The following TMEM209 variants were observed in gnomAD, a reference collection of about 807,000 sequenced individuals.
The protein encoded by TMEM209 is testicular tissue protein Li 202.
A neutral mutation model predicts 76.2 loss-of-function variants in TMEM209; 65 were observed. That is an observed-to-expected ratio of 0.85 (90% CI 0.70 to 1.05). The LOEUF (loss-of-function observed/expected upper bound fraction) is 1.05, where lower values mean the gene tolerates loss of function less well. Ranked by LOEUF, TMEM209 falls within the 50% of genes least tolerant of loss-of-function variation. The probability of loss-of-function intolerance (pLI) is 0.00; values close to 1 mark genes in which losing one functional copy is unlikely to be tolerated. For synonymous variants in TMEM209, 239 were observed against 237.6 expected (o/e 1.01, Z -0.06); for missense variants, 623 against 685.5 (o/e 0.91, Z 1.02).
chr7:130,177,117 C>A (rs1368424343), intron 10 of TMEM209, among the ~76,000 whole-genome samples: 1 of 151,750 alleles, frequency 6.6e-6, no homozygotes, highest in Non-Finnish European at 1.5e-5. Flanking sequence ...CTTTAGGAGG[C>A]CAAGGTGGGT....
At chr7:130,173,230 T>C (rs1000072824) in intron 13 of TMEM209, among the ~76,000 whole-genome samples, 1 of 151,990 alleles carries the variant, frequency 6.6e-6, no homozygotes, top group East Asian at 1.9e-4. Flanking sequence ...TAGTCCTAGC[T>C]ACTTGGGAGG....
intron 5 of TMEM209, among the ~76,000 whole-genome samples, chr7:130,196,339 T>C (rs4731669): frequency 0.19 from 27,639 of 148,972 alleles, 2,836 homozygotes; most frequent in Middle Eastern, 0.25. Flanking sequence ...TTTTTTTTTT[T>C]CCAAGAAAAG....
At chr7:130,196,264 C>T (rs1022226125) in intron 5 of TMEM209, among the ~76,000 whole-genome samples, 4 of 150,934 alleles carry the variant, frequency 2.7e-5, no homozygotes, top group Admixed American at 6.6e-5. Context: ...GGGATGTATT[C>T]GATATATTGT....
rs1394487792 is a variant in TMEM209 at position 130,181,718 on chromosome 7, C to T, written c.1025G>A (p.Trp342Ter). ...TGGCACTAATATTGTCTCATTGATCCACTAGAAGAAATAAGGTACAGATTT... is the reference window on the plus strand; with the variant it reads ...TGGCACTAATATTGTCTCATTGATCTACTAGAAGAAATAAGGTACAGATTT... ...MDSWTAKFRN[W>*]INETILVPLV... The change falls in exon 9 of 15, where the codon TGG becomes TAG. Residue 342 changes from tryptophan to a stop codon, truncating the protein, a stop_gained and splice_region_variant. Transcript: ENST00000397622. LOFTEE classifies it high-confidence loss of function. 1 of 1,603,840 alleles carries T rather than the reference C, an allele frequency of 6.2e-7. No individual in the cohort carries two copies. The highest frequency in any genetic ancestry group is 1.1e-5 in the South Asian group (1 of 88,886).
chr7:130,201,903 T>C lies in TMEM209; in HGVS notation c.520A>G (p.Ser174Gly). 1.9e-6 allele frequency: 3 copies of C among 1,613,902 alleles called. No homozygotes were observed. The change falls in exon 5 of 15, where the codon AGT becomes GGT. Residue 174 changes from serine (S) to glycine (G), a missense_variant. Transcript: ENST00000397622. Reference protein sequence around the residue: ...PQLQGLSSGGSGSYSPGVTYS... With the variant: ...PQLQGLSSGGGGSYSPGVTYS... Reference sequence around the variant, plus strand: ...GTCACTCCAGGGCTATAAGAACCACTGCCACCTGAGGACAGACCTTGCAGC... The same window carrying C: ...GTCACTCCAGGGCTATAAGAACCACCGCCACCTGAGGACAGACCTTGCAGC...
At chr7:130,186,320 G>A (rs943246027) in intron 6 of TMEM209, among the ~76,000 whole-genome samples, 5 of 152,088 alleles carry the variant, frequency 3.3e-5, no homozygotes, top group Non-Finnish European at 5.9e-5. Context: ...ATCATCAAAC[G>A]GGTATGTAGC....
At chr7:130,203,890 C>A (rs571309882) in intron 2 of TMEM209, 44 bp from the exon 3 acceptor site, 1 of 1,588,630 alleles carries the variant, frequency 6.3e-7, no homozygotes, top group Non-Finnish European at 8.5e-7. Flanking sequence ...CTAAAAACAC[C>A]AAAAATCAAA....
intron 7 of TMEM209, 85 bp from the exon 8 acceptor site, chr7:130,184,340 A>G: frequency 9.5e-7 from 1 of 1,051,142 alleles, no homozygotes. Flanking sequence ...CCTAAAAAAT[A>G]TTTAATGAAC....
At position 130,205,384 on chromosome 7, in the gene TMEM209, G is replaced by C; in HGVS notation, c.-9C>G. ...CCCCGAAAACGCACCATGTCCTCTG[G>C]CCGGAAAACGCAGGCTCGCGCCACT... On this transcript the variant is annotated 5_prime_UTR_variant, in exon 1 of 15. Coordinates refer to ENST00000397622, the MANE Select transcript of TMEM209 (RefSeq NM_032842.4). 3 of 1,613,926 alleles carry C rather than the reference G, an allele frequency of 1.9e-6. No individual in the cohort carries two copies. Among genetic ancestry groups the C allele is most frequent in the Non-Finnish European group, 2.5e-6 (3 of 1,179,912 alleles).
chr7:130,189,295 C>T (rs796969536), intron 6 of TMEM209, among the ~76,000 whole-genome samples: 52 of 152,232 alleles, frequency 3.4e-4, no homozygotes, highest in African/African-American at 1.2e-3. Flanking sequence ...CTCCCGGATT[C>T]AAGCGATTCT....
chr7:130,197,576 A>G (rs1486971537), intron 5 of TMEM209, among the ~76,000 whole-genome samples: 1 of 152,200 alleles, frequency 6.6e-6, no homozygotes, highest in East Asian at 1.9e-4. Flanking sequence ...ATGCTACTGA[A>G]CTATGCACTT....
chr7:130,189,569 T>C (rs927662666), intron 6 of TMEM209, among the ~76,000 whole-genome samples: 1 of 152,166 alleles, frequency 6.6e-6, no homozygotes, highest in Non-Finnish European at 1.5e-5. Flanking sequence ...TGAAGTGGAA[T>C]GATGCCCGCA....
At chr7:130,169,737 C>T (rs1797006562) in intron 14 of TMEM209, among the ~76,000 whole-genome samples, 1 of 152,002 alleles carries the variant, frequency 6.6e-6, no homozygotes, top group African/African-American at 2.4e-5. Flanking sequence ...AGCCCATCCC[C>T]CCTTTTTTTT....
At chr7:130,194,228 G>A (rs946216446) in intron 5 of TMEM209, among the ~76,000 whole-genome samples, 3 of 151,178 alleles carry the variant, frequency 2.0e-5, no homozygotes, top group African/African-American at 7.3e-5. Flanking sequence ...ATACCACTGT[G>A]AGGGGGTATA....
rs1796867423 is a variant in TMEM209, at chr7:130,165,867, G to A, written c.*584C>T. Reference sequence around the variant, plus strand: ...GAGGTCAGGAGTTCGGGACCAGCCTGGCCAACATGGTGAAACCCTGTCTCT... The same window carrying A: ...GAGGTCAGGAGTTCGGGACCAGCCTAGCCAACATGGTGAAACCCTGTCTCT... On this transcript the variant is annotated 3_prime_UTR_variant, in exon 15 of 15. Coordinates refer to ENST00000397622, the MANE Select transcript of TMEM209 (RefSeq NM_032842.4). 6.6e-6 allele frequency: 1 copy of A among 152,156 alleles called. No homozygotes were observed. The allele number at this position is 152,156 out of a possible 1,614,324, so 9.4% of individuals were successfully genotyped here.
intron 6 of TMEM209, among the ~76,000 whole-genome samples, chr7:130,187,148 CAGG>C (rs1229891112): frequency 6.6e-6 from 1 of 151,616 alleles, no homozygotes; most frequent in Non-Finnish European, 1.5e-5. Flanking sequence ...GAGGCTAAGG[CAGG>C]AGAATTGCTT....
chr7:130,180,368 G>T (rs1797368361), intron 9 of TMEM209, among the ~76,000 whole-genome samples: 1 of 151,986 alleles, frequency 6.6e-6, no homozygotes, highest in African/African-American at 2.4e-5. Context: ...GAATCAAAAA[G>T]ACATTTCTTT....
intron 4 of TMEM209, 81 bp from the exon 5 acceptor site, chr7:130,202,172 T>C: frequency 6.7e-7 from 1 of 1,488,502 alleles, no homozygotes; most frequent in Non-Finnish European, 9.0e-7. Flanking sequence ...AACTAAGTCT[T>C]TCTCTTAAGG....
Position 130,203,771 on chromosome 7 carries a change from G to T in TMEM209, c.199+17C>A. On this transcript the variant is annotated intron_variant, in intron 3 of 14. Coordinates refer to ENST00000397622, the MANE Select transcript of TMEM209 (RefSeq NM_032842.4). ...TTTATTGGTAAATGTAAGTTACAGT[G>T]AAAATTACTTACTTACCAATATACC... 6.3e-7 allele frequency: 1 copy of T among 1,585,888 alleles called. No homozygotes were observed. The highest frequency in any genetic ancestry group is 1.8e-5 in the Admixed American group (1 of 56,144).
Sources: allele counts gnomAD v4.1 joint callset (sites outside exome capture counted in the v4.1 genomes callset), GRCh38; gene constraint gnomAD v4.1.1; transcripts MANE v1.5; gene names NCBI Gene and HGNC (gene_info 2026-07-23, HGNC 2026-07-21).